SPICE1: variants seen among roughly 807,000 people sequenced by gnomAD.
SPICE1 encodes the protein spindle and centriole associated protein 1.
In SPICE1, 75 loss-of-function variants were observed where a neutral mutation model predicts 102.7. That is an observed-to-expected ratio of 0.73 (90% CI 0.61 to 0.88). SPICE1 has a LOEUF of 0.88. Ranked by LOEUF, SPICE1 falls within the 40% of genes least tolerant of loss-of-function variation. The pLI is 0.00. For missense variants in SPICE1, 979 were observed against 1,020.1 expected (o/e 0.96, Z 0.55); for synonymous variants, 308 against 350.3 (o/e 0.88, Z 1.35).
chr3:113,512,117 A>C (rs1937232933), intron 1 of SPICE1, among the ~76,000 whole-genome samples: 1 of 152,232 alleles, frequency 6.6e-6, no homozygotes, highest in African/African-American at 2.4e-5. Context: ...GCTTTGGAAG[A>C]CCCTAAGCAA....
chr3:113,512,410 T>C (rs903553691), intron 1 of SPICE1, among the ~76,000 whole-genome samples: 8 of 145,784 alleles, frequency 5.5e-5, no homozygotes, highest in African/African-American at 2.0e-4. Context: ...GCTTTCTTTT[T>C]TTTTTTTTTT....
At chr3:113,468,498 T>C in intron 9 of SPICE1, 94 bp from the exon 10 acceptor site, 1 of 1,412,066 alleles carries the variant, frequency 7.1e-7, no homozygotes, top group Non-Finnish European at 9.7e-7. Flanking sequence ...TCACAATTTA[T>C]AAAAGGCTTG....
intron 9 of SPICE1, among the ~76,000 whole-genome samples, 176 bp downstream of exon 9, chr3:113,468,586 A>G (rs562920582): frequency 3.3e-5 from 5 of 152,364 alleles, no homozygotes; most frequent in Admixed American, 3.3e-4. Context: ...TGAATGCACT[A>G]GAACCACTGT....
At position 113,471,590 on chromosome 3, in the gene SPICE1, C is replaced by G. The variant is rs370054838; in HGVS notation, c.612-2352G>C. On this transcript the variant is annotated intron_variant, in intron 7 of 17. Coordinates refer to ENST00000295872, the MANE Select transcript of SPICE1 (RefSeq NM_144718.4). ...ATCAAGTTCTGTTGTTTTAAGCCAC[C>G]AAACTTGTGGGATATTTAATATACT... Among the ~76,000 whole-genome samples, 4 of 152,074 alleles carry G rather than the reference C, an allele frequency of 2.6e-5. No individual in the cohort carries two copies. In the South Asian group the frequency reaches 8.3e-4, roughly 32 times the overall value.
At chr3:113,452,002 C>G (rs1453821716) in intron 14 of SPICE1, among the ~76,000 whole-genome samples, 2 of 152,124 alleles carry the variant, frequency 1.3e-5, no homozygotes, top group Non-Finnish European at 2.9e-5. Context: ...CCCAGCTCCT[C>G]CTATCAGAAA....
At chr3:113,466,636 T>G (rs1936065104) in intron 10 of SPICE1, among the ~76,000 whole-genome samples, 1 of 151,580 alleles carries the variant, frequency 6.6e-6, no homozygotes, top group Non-Finnish European at 1.5e-5. Context: ...TACATGCTTC[T>G]AAGCCTGCAA....
intron 3 of SPICE1, among the ~76,000 whole-genome samples, chr3:113,502,662 T>TAAAAAAA (rs35248720): frequency 2.3e-5 from 2 of 87,266 alleles, no homozygotes; most frequent in Non-Finnish European, 2.2e-5. Context: ...CAATAAATCT[T>TAAAAAAA]AAAAAAAAAA....
At chr3:113,503,984 T>A (rs943769749) in intron 2 of SPICE1, among the ~76,000 whole-genome samples, 3 of 151,466 alleles carry the variant, frequency 2.0e-5, no homozygotes, top group African/African-American at 7.3e-5. Context: ...GAGGTTCAAT[T>A]TGTGTCTGCA....
In SPICE1 at chr3:113,445,216, T is replaced by C. The variant is rs1935485129; in HGVS notation, c.*91A>G. On this transcript the variant is annotated 3_prime_UTR_variant, in exon 18 of 18. Coordinates refer to ENST00000295872, the MANE Select transcript of SPICE1 (RefSeq NM_144718.4). ...ATTCACAGGATCTTTGTAGGTTTTA[T>C]CTGAAAGAAGGATATAAAAACTTAA... 3 of 975,852 alleles carry C rather than the reference T, an allele frequency of 3.1e-6. No individual in the cohort carries two copies. The highest frequency in any genetic ancestry group is 2.5e-5 in the East Asian group (1 of 39,666). The allele number at this position is 975,852 out of a possible 1,614,324, so 60.4% of individuals were successfully genotyped here.
At chr3:113,466,271 C>G (rs763609716) in intron 10 of SPICE1, among the ~76,000 whole-genome samples, 6 of 152,164 alleles carry the variant, frequency 3.9e-5, no homozygotes, top group Non-Finnish European at 8.8e-5. Context: ...ATGACTACAA[C>G]TTTAAATGGT....
intron 6 of SPICE1, 44 bp from the exon 7 acceptor site, chr3:113,489,107 T>A: frequency 8.0e-7 from 1 of 1,253,474 alleles, no homozygotes; most frequent in Non-Finnish European, 1.2e-6. Context: ...TGATTATATA[T>A]ATACTCAGAC....
intron 7 of SPICE1, among the ~76,000 whole-genome samples, chr3:113,471,228 T>A (rs1332186654): frequency 6.6e-6 from 1 of 152,224 alleles, no homozygotes; most frequent in Non-Finnish European, 1.5e-5. Context: ...AGGGGAAGCC[T>A]CTTCAGATAC....
Position 113,488,936 on chromosome 3 carries a change from T to C in SPICE1, c.611+9A>G, listed in dbSNP as rs1451838206. On this transcript the variant is annotated intron_variant, in intron 7 of 17. Coordinates refer to ENST00000295872, the MANE Select transcript of SPICE1 (RefSeq NM_144718.4). The stretch of plus-strand genomic sequence containing the variant: ...GAGAGTTGTAAATATTTATGCCATA[T>C]ACACATACCTGTCTGTATTCGTGTT... 2 of 1,537,608 alleles carry C rather than the reference T, an allele frequency of 1.3e-6. No individual in the cohort carries two copies. The highest frequency in any genetic ancestry group is 1.8e-6 in the Non-Finnish European group (2 of 1,111,948).
intron 7 of SPICE1, among the ~76,000 whole-genome samples, chr3:113,484,345 A>T (rs191405520): frequency 0.017 from 2,622 of 151,720 alleles, 68 homozygotes; most frequent in African/African-American, 0.061. Flanking sequence ...GGATTCATTG[A>T]TTTTTTGAAG....
At chr3:113,489,123 T>C (rs1184941615) in intron 6 of SPICE1, 60 bp from the exon 7 acceptor site, 2 of 1,074,670 alleles carry the variant, frequency 1.9e-6, no homozygotes, top group South Asian at 1.4e-5. Context: ...CAGACTTTCT[T>C]TTTTTTTTTC....
chr3:113,486,862 G>T (rs1034215292), intron 7 of SPICE1, among the ~76,000 whole-genome samples: 1 of 144,010 alleles, frequency 6.9e-6, no homozygotes, highest in East Asian at 2.0e-4. Flanking sequence ...AAAATAAGGA[G>T]ATATATATAT....
chr3:113,471,358 T>C (rs1448551823), intron 7 of SPICE1, among the ~76,000 whole-genome samples: 2 of 152,160 alleles, frequency 1.3e-5, no homozygotes, highest in African/African-American at 2.4e-5. Context: ...CAGAGGAAGA[T>C]CTTTGACACC....
At chr3:113,484,503 T>C (rs1476162313) in intron 7 of SPICE1, among the ~76,000 whole-genome samples, 2 of 151,874 alleles carry the variant, frequency 1.3e-5, no homozygotes, top group Admixed American at 6.6e-5. Flanking sequence ...CTGCTTTCTC[T>C]TGTGGGCATT....
chr3:113,483,701 C>A (rs982043856), intron 7 of SPICE1, among the ~76,000 whole-genome samples: 7 of 152,138 alleles, frequency 4.6e-5, no homozygotes, highest in Non-Finnish European at 1.0e-4. Context: ...ATATGCTGAA[C>A]CAGCCTTGCA....
Sources: allele counts gnomAD v4.1 joint callset (sites outside exome capture counted in the v4.1 genomes callset), GRCh38; gene constraint gnomAD v4.1.1; transcripts MANE v1.5; gene names NCBI Gene and HGNC (gene_info 2026-07-23, HGNC 2026-07-21).